ABTB2: variants seen among roughly 807,000 people sequenced by gnomAD.
The protein encoded by ABTB2 is ankyrin repeat and BTB/POZ domain-containing protein 2.
Under a neutral mutation model 104.1 loss-of-function variants are expected in ABTB2, and 56 were observed. The ratio of observed to expected loss-of-function variants is 0.54; its 90% CI spans 0.43 to 0.67. ABTB2 has a LOEUF of 0.67. Among genes scored for constraint, ABTB2 ranks in the 30% least tolerant of loss-of-function variants. The pLI is 0.00. For missense variants in ABTB2, 1,279 were observed against 1,407.7 expected (o/e 0.91, Z 1.46); for synonymous variants, 606 against 608.2 (o/e 1.00, Z 0.05).
At chr11:34,349,889 G>A (rs1350020888) in intron 1 of ABTB2, among the ~76,000 whole-genome samples, 2 of 152,160 alleles carry the variant, frequency 1.3e-5, no homozygotes, top group Admixed American at 6.5e-5. Flanking sequence ...AACTTGCCCA[G>A]GGTCACACAG....
chr11:34,163,414 GTGC>G (rs1852751523), intron 9 of ABTB2, among the ~76,000 whole-genome samples: 1 of 152,302 alleles, frequency 6.6e-6, no homozygotes, highest in East Asian at 1.9e-4. Flanking sequence ...ACGCTCCCCC[GTGC>G]TGCTGCTTTT....
At position 34,167,783 on chromosome 11, in the gene ABTB2, G is replaced by A. The variant is rs537012224; in HGVS notation, c.1653+120C>T. 38 of 1,053,850 alleles carry A rather than the reference G, an allele frequency of 3.6e-5. No individual in the cohort carries two copies. In the East Asian group the frequency reaches 4.1e-4, roughly 11 times the overall value. The allele number at this position is 1,053,850 out of a possible 1,614,324, so 65.3% of individuals were successfully genotyped here. On this transcript the variant is annotated intron_variant, in intron 6 of 16. Coordinates refer to ENST00000435224, the MANE Select transcript of ABTB2 (RefSeq NM_145804.3). ...TGGCCTCTGTGCATCTTGTCTTTCC[G>A]GTCTTTTGACACACATCTACTCAGT...
intron 3 of ABTB2, among the ~76,000 whole-genome samples, chr11:34,196,213 CA>C (rs1853254582): frequency 6.6e-6 from 1 of 152,130 alleles, no homozygotes; most frequent in African/African-American, 2.4e-5. Context: ...TTATATTTTC[CA>C]GGTAGAAAAT....
intron 1 of ABTB2, among the ~76,000 whole-genome samples, chr11:34,298,371 T>A (rs957667582): frequency 6.0e-5 from 9 of 151,234 alleles, no homozygotes; most frequent in Middle Eastern, 3.2e-3. Context: ...AAAAAAGTTA[T>A]AGAAAGAAAC....
intron 1 of ABTB2, among the ~76,000 whole-genome samples, chr11:34,329,505 T>C (rs1181074499): frequency 2.6e-5 from 4 of 152,194 alleles, no homozygotes; most frequent in Admixed American, 6.5e-5. Context: ...GGGTGGAGCA[T>C]GTGGTTATGG....
chr11:34,317,430 G>T (rs1262970221), intron 1 of ABTB2, among the ~76,000 whole-genome samples: 3 of 152,128 alleles, frequency 2.0e-5, no homozygotes, highest in Admixed American at 2.0e-4. Flanking sequence ...CAATAAGGGG[G>T]CACTGGCAAT....
chr11:34,212,555 A>G (rs1853493953), intron 1 of ABTB2, among the ~76,000 whole-genome samples: 1 of 152,182 alleles, frequency 6.6e-6, no homozygotes, highest in Non-Finnish European at 1.5e-5. Context: ...ACTGAGGTCC[A>G]CAGCTAGAAA....
intron 1 of ABTB2, among the ~76,000 whole-genome samples, chr11:34,344,349 G>A (rs562804584): frequency 4.4e-4 from 67 of 152,168 alleles, no homozygotes; most frequent in Non-Finnish European, 8.5e-4. Flanking sequence ...GCCAAAGATC[G>A]TAAGACTGAA....
chr11:34,152,412 G>A lies in ABTB2; in HGVS notation c.3053C>T (p.Ser1018Phe). 2 of 1,580,128 alleles carry A rather than the reference G, an allele frequency of 1.3e-6. No individual in the cohort carries two copies. The highest frequency in any genetic ancestry group is 2.3e-5 in the South Asian group (2 of 86,378). The change falls in exon 17 of 17, where the codon TCT becomes TTT. Residue 1018 changes from serine (S) to phenylalanine (F), a missense_variant. By Grantham distance (155) the Ser-to-Phe change is radical (BLOSUM62 -2). Transcript: ENST00000435224. Reference protein sequence around the residue: ...LQNTLAERVHSVYITSRV With the variant: ...LQNTLAERVHFVYITSRV ...TCACACCCGGGAGGTGATGTAGACA[G>A]AGTGCACGCGCTCTGCCAGGGTGTT...
intron 1 of ABTB2, among the ~76,000 whole-genome samples, chr11:34,345,054 C>A (rs1004612916): frequency 6.6e-6 from 1 of 152,186 alleles, no homozygotes; most frequent in African/African-American, 2.4e-5. Flanking sequence ...ATTTCCAACA[C>A]AATAGAGAGA....
rs76837730 is a variant in ABTB2, at chr11:34,214,557, A to T, written c.884-9867T>A. On this transcript the variant is annotated intron_variant, in intron 1 of 16. Transcript: ENST00000435224. The stretch of plus-strand genomic sequence containing the variant: ...CTTTTTTTTTTTTTTTTTTTTTTTT[A>T]AAGTCAGGTTCTTGCTCTGTCTCTC... Among the ~76,000 whole-genome samples the T allele has an allele frequency of 6.5e-3, 583 of 90,274 alleles. 5 individuals carry two copies. Among genetic ancestry groups the T allele is most frequent in the African/African-American group, 0.013 (307 of 24,054 alleles). 59.2% of individuals were successfully genotyped at this position (90,274 alleles called of 152,430 possible).
chr11:34,307,808 C>T (rs181786834), intron 1 of ABTB2, among the ~76,000 whole-genome samples: 11 of 152,200 alleles, frequency 7.2e-5, no homozygotes, highest in African/African-American at 2.4e-4. Flanking sequence ...AAGCGATTCT[C>T]CTGCCTCAGC....
chr11:34,335,935 T>G (rs1855188961), intron 1 of ABTB2: 2 of 660,962 alleles, frequency 3.0e-6, no homozygotes, highest in African/African-American at 3.6e-5. Flanking sequence ...TGCCAACGTT[T>G]TAACTAAAGA....
At chr11:34,198,200 G>A (rs1853287090) in intron 2 of ABTB2, among the ~76,000 whole-genome samples, 1 of 152,142 alleles carries the variant, frequency 6.6e-6, no homozygotes. Context: ...CGAGGCAGGT[G>A]GATCACTTTA....
intron 1 of ABTB2, among the ~76,000 whole-genome samples, chr11:34,337,088 TGAG>T (rs1336938094): frequency 3.9e-5 from 6 of 152,230 alleles, no homozygotes; most frequent in African/African-American, 2.4e-5. Context: ...CTCAGTTTAC[TGAG>T]GAGGACAACC....
At chr11:34,240,950 ATTAC>A (rs2133063101) in intron 1 of ABTB2, among the ~76,000 whole-genome samples, 1 of 152,122 alleles carries the variant, frequency 6.6e-6, no homozygotes, top group Non-Finnish European at 1.5e-5. Flanking sequence ...CTTTTGCCAA[ATTAC>A]TTCTCACACC....
intron 14 of ABTB2, among the ~76,000 whole-genome samples, chr11:34,157,234 T>C (rs554974880): frequency 6.6e-6 from 1 of 152,210 alleles, no homozygotes; most frequent in Non-Finnish European, 1.5e-5. Context: ...CAAAATTCTG[T>C]ACCCAGGAGA....
chr11:34,288,338 T>G (rs981535372), intron 1 of ABTB2, among the ~76,000 whole-genome samples: 8 of 152,322 alleles, frequency 5.3e-5, no homozygotes, highest in Admixed American at 5.2e-4. Context: ...TCCATCTTAC[T>G]TTTTCTTCAC....
At chr11:34,180,853 G>C (rs905737591) in intron 3 of ABTB2, among the ~76,000 whole-genome samples, 1 of 152,136 alleles carries the variant, frequency 6.6e-6, no homozygotes, top group African/African-American at 2.4e-5. Context: ...GACTGAGAAA[G>C]CTATTATTCC....
Sources: gnomAD v4.1 joint callset for allele counts (sites outside exome capture counted in the v4.1 genomes callset) on GRCh38, gnomAD v4.1.1 for gene constraint, MANE v1.5 for transcripts, NCBI Gene and HGNC (gene_info 2026-07-23, HGNC 2026-07-21) for gene names.